CCDC149: variants seen among roughly 807,000 people sequenced by gnomAD.
CCDC149 encodes the protein coiled-coil domain-containing protein 149.
A neutral mutation model predicts 59.9 loss-of-function variants in CCDC149; 45 were observed. The observed-to-expected ratio is 0.75, with a 90% confidence interval of 0.59 to 0.96. The LOEUF is 0.96. Ranked by LOEUF, CCDC149 falls within the 40% of genes least tolerant of loss-of-function variation. The probability of loss-of-function intolerance (pLI) is 0.00; values close to 1 mark genes in which losing one functional copy is unlikely to be tolerated. For missense variants in CCDC149, 584 were observed against 664.7 expected (o/e 0.88, Z 1.33); for synonymous variants, 245 against 260.6 (o/e 0.94, Z 0.58).
intron 1 of CCDC149, among the ~76,000 whole-genome samples, chr4:24,941,005 C>A (rs561379421): frequency 1.3e-5 from 2 of 151,960 alleles, no homozygotes; most frequent in African/African-American, 4.8e-5. Context: ...AAAGTTAAGA[C>A]GGATATCCAG....
chr4:24,921,186 G>A (rs1560257168), intron 1 of CCDC149, among the ~76,000 whole-genome samples: 1 of 152,166 alleles, frequency 6.6e-6, no homozygotes, highest in African/African-American at 2.4e-5. Context: ...ATGAGGACTT[G>A]CCATACACCA....
intron 1 of CCDC149, among the ~76,000 whole-genome samples, chr4:24,969,196 C>T (rs1163183871): frequency 6.6e-6 from 1 of 152,204 alleles, no homozygotes; most frequent in Non-Finnish European, 1.5e-5. Context: ...CAGTGTTACA[C>T]AAGTAACGAT....
intron 1 of CCDC149, among the ~76,000 whole-genome samples, chr4:24,947,488 T>A (rs557325483): frequency 1.8e-4 from 28 of 152,196 alleles, no homozygotes; most frequent in Non-Finnish European, 3.7e-4. Flanking sequence ...CAGGTATGTC[T>A]TTATTTGCAG....
intron 9 of CCDC149, among the ~76,000 whole-genome samples, chr4:24,824,270 C>T (rs1220381206): frequency 6.6e-6 from 1 of 152,200 alleles, no homozygotes; most frequent in East Asian, 1.9e-4. Context: ...TTCAGGGCCC[C>T]TGCCTAAGTT....
chr4:24,829,846 G>C (rs1716019605), intron 9 of CCDC149: 1 of 152,352 alleles, frequency 6.6e-6, no homozygotes, highest in Non-Finnish European at 1.5e-5. Context: ...TTTAGACAGG[G>C]TGGCTGTTGA....
intron 4 of CCDC149, among the ~76,000 whole-genome samples, chr4:24,840,360 C>T (rs1476333635): frequency 3.3e-5 from 5 of 152,156 alleles, no homozygotes; most frequent in African/African-American, 4.8e-5. Flanking sequence ...TGGTTATAAG[C>T]GATCCTCATT....
intron 3 of CCDC149, among the ~76,000 whole-genome samples, chr4:24,861,726 A>G (rs1176285752): frequency 6.6e-6 from 1 of 152,156 alleles, no homozygotes; most frequent in African/African-American, 2.4e-5. Context: ...AAGGGAACCT[A>G]TTTTCAATGA....
intron 5 of CCDC149, 142 bp downstream of exon 5, chr4:24,838,014 G>T: frequency 1.4e-6 from 1 of 733,512 alleles, no homozygotes; most frequent in Non-Finnish European, 2.4e-6. Flanking sequence ...GGACCCTAGT[G>T]CAGTGCTGAG....
At chr4:24,954,077 A>T (rs1723393288) in intron 1 of CCDC149, among the ~76,000 whole-genome samples, 1 of 152,162 alleles carries the variant, frequency 6.6e-6, no homozygotes, top group Non-Finnish European at 1.5e-5. Context: ...CCAGAAGGAG[A>T]AGAGAGAGAA....
chr4:24,905,403 TTGCGTGCG>T (rs747658690), intron 1 of CCDC149, among the ~76,000 whole-genome samples: 11,688 of 141,212 alleles, frequency 0.083, 583 homozygotes, highest in East Asian at 0.11. Context: ...TTCTTTCTTT[TTGCGTGCG>T]TGCGTGTGTG....
chr4:24,951,228 C>T (rs909494063), intron 1 of CCDC149, among the ~76,000 whole-genome samples: 4 of 152,228 alleles, frequency 2.6e-5, no homozygotes, highest in Admixed American at 2.0e-4. Context: ...TGCCTACACC[C>T]AAGGAGCCTT....
Position 24,853,052 on chromosome 4 carries a change from C to G in CCDC149, c.372+20G>C, listed in dbSNP as rs1717763360. ...CACAATGTTGCAGCAGAGCTTCTTC[C>G]CTGTAAATACTCACAGTACCTTGTT... On this transcript the variant is annotated intron_variant, in intron 4 of 12. Coordinates refer to ENST00000635206, the MANE Select transcript of CCDC149 (RefSeq NM_001330643.2). 1.3e-6 allele frequency: 2 copies of G among 1,499,452 alleles called. No individual in the cohort carries two copies. The highest frequency in any genetic ancestry group is 2.8e-5 in the African/African-American group (2 of 72,262). 92.9% of individuals were successfully genotyped at this position (1,499,452 alleles called of 1,614,324 possible).
At chr4:24,892,176 GGT>G (rs1347266826) in intron 1 of CCDC149, among the ~76,000 whole-genome samples, 1 of 152,134 alleles carries the variant, frequency 6.6e-6, no homozygotes, top group Non-Finnish European at 1.5e-5. Context: ...TAAGACCCGG[GGT>G]GTGAGTCAGA....
intron 1 of CCDC149, among the ~76,000 whole-genome samples, chr4:24,939,522 G>A (rs976001362): frequency 6.6e-6 from 1 of 152,206 alleles, no homozygotes; most frequent in Non-Finnish European, 1.5e-5. Flanking sequence ...CTCCTCACCA[G>A]CAACGGAACA....
chr4:24,897,818 G>A (rs972033224), intron 1 of CCDC149, among the ~76,000 whole-genome samples: 1 of 152,216 alleles, frequency 6.6e-6, no homozygotes, highest in Non-Finnish European at 1.5e-5. Context: ...GAGGTTCTCA[G>A]AAGAGGCCGC....
At chr4:24,960,335 T>A (rs1319313525) in intron 1 of CCDC149, among the ~76,000 whole-genome samples, 2 of 152,192 alleles carry the variant, frequency 1.3e-5, no homozygotes, top group Non-Finnish European at 2.9e-5. Flanking sequence ...AGAAGTTCTA[T>A]TGGGTTATAG....
chr4:24,921,413 C>A (rs934435234), intron 1 of CCDC149, among the ~76,000 whole-genome samples: 2 of 152,222 alleles, frequency 1.3e-5, no homozygotes, highest in Non-Finnish European at 2.9e-5. Flanking sequence ...CCATTCAACA[C>A]CCCCATCCAG....
chr4:24,958,810 TC>T (rs1723548449), intron 1 of CCDC149, among the ~76,000 whole-genome samples: 1 of 152,040 alleles, frequency 6.6e-6, no homozygotes, highest in South Asian at 2.1e-4. Flanking sequence ...GGCGGGCAGA[TC>T]CCTTGAGGTC....
chr4:24,902,509 G>A (rs1184232224), intron 1 of CCDC149, among the ~76,000 whole-genome samples: 1 of 152,046 alleles, frequency 6.6e-6, no homozygotes, highest in African/African-American at 2.4e-5. Flanking sequence ...GCCTTTATCT[G>A]GAGCATCTCC....
Sources: allele counts gnomAD v4.1 joint callset (sites outside exome capture counted in the v4.1 genomes callset), GRCh38; gene constraint gnomAD v4.1.1; transcripts MANE v1.5; gene names NCBI Gene and HGNC (gene_info 2026-07-23, HGNC 2026-07-21).